Variants in SPTBN1 observed in about 807,000 individuals in gnomAD.
SPTBN1 encodes the protein spectrin beta chain, non-erythrocytic 1.
In SPTBN1, 32 loss-of-function variants were observed where a neutral mutation model predicts 266.4. The ratio of observed to expected loss-of-function variants is 0.12; its 90% CI spans 0.09 to 0.16. The LOEUF is 0.16. Ranked by LOEUF, SPTBN1 falls within the 10% of genes least tolerant of loss-of-function variation. The pLI is 1.00. For missense variants in SPTBN1, 2,296 were observed against 3,067.1 expected, an observed-to-expected ratio of 0.75 and a Z score of 5.94; for synonymous variants, 1,336 against 1,162.2, an observed-to-expected ratio of 1.15 and a Z score of -3.04.
At chr2:54,534,985 G>A (rs1051238437) in intron 2 of SPTBN1, 1 of 152,136 alleles carries the variant, frequency 6.6e-6, no homozygotes, top group African/African-American at 2.4e-5. Context: ...GCCTTTGTCT[G>A]AACTCCTCAT....
At chr2:54,514,490 T>A (rs992310907) in intron 1 of SPTBN1, among the ~76,000 whole-genome samples, 8 of 152,134 alleles carry the variant, frequency 5.3e-5, no homozygotes, top group Non-Finnish European at 7.4e-5. Flanking sequence ...AGGAAAGAGG[T>A]TTATCTCTGA....
chr2:54,571,187 C>T (rs1420808165), intron 2 of SPTBN1, among the ~76,000 whole-genome samples: 3 of 151,860 alleles, frequency 2.0e-5, no homozygotes, highest in Non-Finnish European at 2.9e-5. Flanking sequence ...GGTGGTTTGG[C>T]GTGCCTGTCA....
Position 54,644,303 on chromosome 2 carries a change from A to G in SPTBN1, c.4006-20A>G. 2.5e-6 allele frequency: 4 copies of G among 1,598,276 alleles called. No homozygotes were observed. The highest frequency in any genetic ancestry group is 2.6e-6 in the Non-Finnish European group (3 of 1,167,936). Reference sequence around the variant, plus strand: ...GTAGCAAACTTGTTTATTTACAACCATGTTGGTTTTGTTTTCCAGGAAGGA... The same window carrying G: ...GTAGCAAACTTGTTTATTTACAACCGTGTTGGTTTTGTTTTCCAGGAAGGA... On this transcript the variant is annotated intron_variant, in intron 19 of 35. Coordinates refer to ENST00000356805, the MANE Select transcript of SPTBN1 (RefSeq NM_003128.3).
rs768895141 is a variant in SPTBN1 at position 54,671,227 on chromosome 2, T to A, written c.*2658T>A. 14 of 155,922 alleles carry A rather than the reference T, an allele frequency of 9.0e-5. No individual in the cohort carries two copies. The highest frequency in any genetic ancestry group is 1.6e-4 in the Non-Finnish European group (11 of 70,718). 9.7% of individuals were successfully genotyped at this position (155,922 alleles called of 1,614,324 possible). A position where few individuals can be genotyped will look rare whatever the true frequency, so the allele number is the denominator to read the frequency against. ...ATGGCACTTCCGGAACTGGCTGTGGTTTTTTTGGGTGTACCGAGAGTGCCA... is the reference window on the plus strand; with the variant it reads ...ATGGCACTTCCGGAACTGGCTGTGGATTTTTTGGGTGTACCGAGAGTGCCA... On this transcript the variant is annotated 3_prime_UTR_variant, in exon 36 of 36. Coordinates refer to ENST00000356805, the MANE Select transcript of SPTBN1 (RefSeq NM_003128.3).
At chr2:54,636,194 G>T (rs1679119001) in intron 17 of SPTBN1, among the ~76,000 whole-genome samples, 1 of 151,764 alleles carries the variant, frequency 6.6e-6, no homozygotes, top group Non-Finnish European at 1.5e-5. Flanking sequence ...ATTTTTCTAC[G>T]TTTGCATTTT....
chr2:54,609,438 G>GT (rs1182164090), intron 3 of SPTBN1, among the ~76,000 whole-genome samples: 18 of 152,200 alleles, frequency 1.2e-4, no homozygotes, highest in Non-Finnish European at 2.2e-4. Flanking sequence ...CAGCAGGAAT[G>GT]TATTGTTTCA....
At chr2:54,541,835 T>G (rs1369798604) in intron 2 of SPTBN1, among the ~76,000 whole-genome samples, 1 of 152,196 alleles carries the variant, frequency 6.6e-6, no homozygotes, top group East Asian at 1.9e-4. Context: ...TACACATAAA[T>G]GTATGTTTAT....
intron 2 of SPTBN1, 60 bp from the exon 3 acceptor site, chr2:54,599,032 A>G: frequency 5.0e-6 from 8 of 1,585,028 alleles, no homozygotes; most frequent in Admixed American, 1.7e-5. Context: ...CCCTGCTAGC[A>G]TGTGCCTGCT....
In SPTBN1 at chr2:54,526,277, C is replaced by G. The variant is rs543135407; in HGVS notation, c.-47-95C>G. On this transcript the variant is annotated intron_variant, in intron 1 of 35. Transcript: ENST00000356805. Reference sequence around the variant, plus strand: ...CCAGAAGACCTATTCTTGGCAAGCACTGTTTTTATTTTCTGCTCACTCTTA... The same window carrying G: ...CCAGAAGACCTATTCTTGGCAAGCAGTGTTTTTATTTTCTGCTCACTCTTA... The G allele has an allele frequency of 7.1e-4, 707 of 995,254 alleles. 2 individuals carry two copies. Among genetic ancestry groups the G allele is most frequent in the Non-Finnish European group, 8.9e-4 (622 of 700,760 alleles). The allele number at this position is 995,254 out of a possible 1,614,324, so 61.7% of individuals were successfully genotyped here.
In SPTBN1 at chr2:54,658,038, C is replaced by T; in HGVS notation, c.6235C>T (p.Leu2079=). 2.5e-6 allele frequency: 4 copies of T among 1,614,258 alleles called. No homozygotes were observed. Among genetic ancestry groups the T allele is most frequent in the Non-Finnish European group, 3.4e-6 (4 of 1,180,040 alleles). Residue 2079 remains leucine, a synonymous_variant, in exon 30 of 36, where the codon CTG becomes TTG. Transcript: ENST00000356805. ...WDERFSALER[L]TTLELLEVRR... ...TGAGAGGTTCTCTGCCCTGGAAAGG[C>T]TGACTACAGTAAGTGGCCGCTGGGC...
intron 3 of SPTBN1, among the ~76,000 whole-genome samples, chr2:54,602,177 A>AT (rs1343144835): frequency 2.0e-5 from 3 of 152,226 alleles, no homozygotes; most frequent in African/African-American, 7.2e-5. Context: ...ACTATAGTCT[A>AT]TAACTCTCCA....
intron 1 of SPTBN1, among the ~76,000 whole-genome samples, chr2:54,490,029 CTG>C (rs1479925879): frequency 6.6e-6 from 1 of 151,786 alleles, no homozygotes; most frequent in Non-Finnish European, 1.5e-5. Flanking sequence ...CCCCAAAAAT[CTG>C]TGCAGTTTTG....
At position 54,506,423 on chromosome 2, in the gene SPTBN1, T is replaced by G. The variant is rs193272910; in HGVS notation, c.-47-19949T>G. On this transcript the variant is annotated intron_variant, in intron 1 of 35. Coordinates refer to ENST00000356805, the MANE Select transcript of SPTBN1 (RefSeq NM_003128.3). ...TCATGTAAATATAATTTAAAAAATA[T>G]AGATGACTCAATCTACAAGAGCTTA... Among the ~76,000 whole-genome samples, 28 of 151,944 alleles carry G rather than the reference T, an allele frequency of 1.8e-4. No individual in the cohort carries two copies. In the East Asian group the frequency reaches 5.2e-3, roughly 28 times the overall value.
At chr2:54,561,299 A>C (rs1673282256) in intron 2 of SPTBN1, among the ~76,000 whole-genome samples, 1 of 152,192 alleles carries the variant, frequency 6.6e-6, no homozygotes, top group Non-Finnish European at 1.5e-5. Context: ...ATGTCTGGCT[A>C]ATTTTTAAAT....
chr2:54,458,955 T>C (rs1207753148), intron 1 of SPTBN1, among the ~76,000 whole-genome samples: 5 of 152,254 alleles, frequency 3.3e-5, no homozygotes, highest in African/African-American at 1.2e-4. Context: ...TGTATGTGCG[T>C]TATTTTGAGT....
chr2:54,523,282 C>T (rs568338643), intron 1 of SPTBN1, among the ~76,000 whole-genome samples: 3 of 152,300 alleles, frequency 2.0e-5, no homozygotes, highest in East Asian at 3.9e-4. Flanking sequence ...AAAATTAATA[C>T]ACCCGTGAAT....
At chr2:54,644,928 T>C (rs1480481086) in intron 20 of SPTBN1, among the ~76,000 whole-genome samples, 2 of 152,268 alleles carry the variant, frequency 1.3e-5, no homozygotes, top group African/African-American at 4.8e-5. Context: ...TCTCATACTT[T>C]GTTGTTTAAC....
At chr2:54,525,857 A>T (rs1040331606) in intron 1 of SPTBN1, among the ~76,000 whole-genome samples, 10 of 152,198 alleles carry the variant, frequency 6.6e-5, no homozygotes, top group African/African-American at 2.4e-4. Context: ...TCAGCCACCC[A>T]AGTAGCTGGG....
intron 1 of SPTBN1, among the ~76,000 whole-genome samples, chr2:54,496,899 G>A (rs555544840): frequency 6.6e-5 from 10 of 152,198 alleles, no homozygotes; most frequent in Non-Finnish European, 1.0e-4. Flanking sequence ...CTGTGCTCAT[G>A]GAAGTATTGA....
Sources: gnomAD v4.1 joint callset for allele counts (sites outside exome capture counted in the v4.1 genomes callset) on GRCh38, gnomAD v4.1.1 for gene constraint, MANE v1.5 for transcripts, NCBI Gene and HGNC (gene_info 2026-07-23, HGNC 2026-07-21) for gene names.